MAST4: variants seen among roughly 807,000 people sequenced by gnomAD.
The protein encoded by MAST4 is microtubule associated serine/threonine kinase family member 4, also known as microtubule-associated serine/threonine-protein kinase 4.
A neutral mutation model predicts 162.7 loss-of-function variants in MAST4; 89 were observed. That is an observed-to-expected ratio of 0.55 (90% CI 0.46 to 0.65). The LOEUF (loss-of-function observed/expected upper bound fraction) is 0.65, where lower values mean the gene tolerates loss of function less well. Ranked by LOEUF, MAST4 falls within the 30% of genes least tolerant of loss-of-function variation. The probability of loss-of-function intolerance (pLI) is 0.00; values close to 1 mark genes in which losing one functional copy is unlikely to be tolerated. For missense variants in MAST4, 3,153 were observed against 3,374.0 expected, an observed-to-expected ratio of 0.93 and a Z score of 1.62; for synonymous variants, 1,479 against 1,361.1, an observed-to-expected ratio of 1.09 and a Z score of -1.91.
At chr5:66,704,492 C>CTTTTTTTTTTTT (rs1172510331) in intron 1 of MAST4, among the ~76,000 whole-genome samples, 5 of 97,354 alleles carry the variant, frequency 5.1e-5, no homozygotes, top group African/African-American at 8.6e-5. Context: ...GCTTGTTGTT[C>CTTTTTTTTTTTT]TTTTTTTTTT....
At chr5:66,789,669 G>A in intron 3 of MAST4, 1 of 514,568 alleles carries the variant, frequency 1.9e-6, no homozygotes, top group Non-Finnish European at 3.9e-6. Flanking sequence ...ACATCCATCT[G>A]CCCCTCTCTG....
At chr5:66,824,160 T>C (rs1757128500) in intron 3 of MAST4, among the ~76,000 whole-genome samples, 1 of 152,232 alleles carries the variant, frequency 6.6e-6, no homozygotes, top group Non-Finnish European at 1.5e-5. Flanking sequence ...GAATATTTAC[T>C]TTATGGCTGT....
chr5:66,871,654 A>C (rs1240844707), intron 3 of MAST4, among the ~76,000 whole-genome samples: 2 of 152,192 alleles, frequency 1.3e-5, no homozygotes, highest in Non-Finnish European at 2.9e-5. Flanking sequence ...CTGTAAACTC[A>C]ATGAAGTTCC....
chr5:66,706,545 T>G (rs1750139860), intron 1 of MAST4, among the ~76,000 whole-genome samples: 1 of 152,206 alleles, frequency 6.6e-6, no homozygotes, highest in Admixed American at 6.5e-5. Context: ...TGAATGATAT[T>G]CCACAAAAAC....
At chr5:66,744,973 A>T (rs1752668989) in intron 1 of MAST4, among the ~76,000 whole-genome samples, 1 of 152,204 alleles carries the variant, frequency 6.6e-6, no homozygotes, top group African/African-American at 2.4e-5. Flanking sequence ...GTTCTGAAAA[A>T]ATGTACTAGG....
intron 17 of MAST4, among the ~76,000 whole-genome samples, chr5:67,134,123 C>T (rs973690534): frequency 6.6e-6 from 1 of 151,982 alleles, no homozygotes; most frequent in Admixed American, 6.6e-5. Context: ...TATGAAATGA[C>T]CTGTGTGTGA....
intron 1 of MAST4, among the ~76,000 whole-genome samples, chr5:66,741,698 G>A (rs968246412): frequency 6.6e-6 from 1 of 152,124 alleles, no homozygotes; most frequent in Admixed American, 6.5e-5. Context: ...AACCTTTAGA[G>A]AAATATGTGG....
At chr5:67,050,822 T>C (rs991438412) in intron 4 of MAST4, among the ~76,000 whole-genome samples, 14 of 152,200 alleles carry the variant, frequency 9.2e-5, no homozygotes, top group Non-Finnish European at 1.9e-4. Context: ...AAGTAAGTTT[T>C]TCCATGTGCT....
chr5:66,756,070 C>T (rs888918363), intron 1 of MAST4, among the ~76,000 whole-genome samples: 1 of 152,164 alleles, frequency 6.6e-6, no homozygotes, highest in African/African-American at 2.4e-5. Context: ...TACCTTTTAT[C>T]CCTTAAGATG....
intron 1 of MAST4, among the ~76,000 whole-genome samples, chr5:66,698,819 C>T (rs1221475195): frequency 1.3e-5 from 2 of 152,168 alleles, no homozygotes; most frequent in Admixed American, 6.5e-5. Flanking sequence ...CTTCACATCC[C>T]CCACACAAGT....
intron 1 of MAST4, among the ~76,000 whole-genome samples, chr5:66,688,271 A>T (rs1748820323): frequency 6.6e-6 from 1 of 152,204 alleles, no homozygotes; most frequent in African/African-American, 2.4e-5. Flanking sequence ...ATCAGTAAGG[A>T]TGCCTGCAGT....
At chr5:66,954,967 G>A (rs1278157399) in intron 4 of MAST4, among the ~76,000 whole-genome samples, 2 of 149,636 alleles carry the variant, frequency 1.3e-5, no homozygotes, top group African/African-American at 5.1e-5. Flanking sequence ...TTGAGAGGCC[G>A]AGGTGGGTGG....
chr5:67,089,146 CT>C (rs1468823344), intron 5 of MAST4, among the ~76,000 whole-genome samples: 1 of 152,058 alleles, frequency 6.6e-6, no homozygotes, highest in Non-Finnish European at 1.5e-5. Flanking sequence ...TTCCTTTTTC[CT>C]TTTTCTAGAA....
At chr5:66,653,121 T>C (rs1746333575) in intron 1 of MAST4, among the ~76,000 whole-genome samples, 1 of 152,218 alleles carries the variant, frequency 6.6e-6, no homozygotes, top group South Asian at 2.1e-4. Flanking sequence ...GTGTTACCAG[T>C]TGGTATAAGG....
chr5:66,651,180 CTT>C (rs964788068), intron 1 of MAST4, among the ~76,000 whole-genome samples: 2 of 146,564 alleles, frequency 1.4e-5, no homozygotes, highest in African/African-American at 5.0e-5. Flanking sequence ...GATTGAGAAT[CTT>C]TTTTTTTTTG....
At chr5:66,909,924 G>A (rs1763635549) in intron 4 of MAST4, among the ~76,000 whole-genome samples, 1 of 152,172 alleles carries the variant, frequency 6.6e-6, no homozygotes. Context: ...TGTAAGACAT[G>A]ACTTGCTCCT....
At chr5:66,828,653 C>A in intron 3 of MAST4, 1 of 704,810 alleles carries the variant, frequency 1.4e-6, no homozygotes, top group Non-Finnish European at 2.3e-6. Flanking sequence ...TCCCACCGAA[C>A]TGCAAGCATC....
chr5:66,825,335 C>G (rs1757196858), intron 3 of MAST4, among the ~76,000 whole-genome samples: 1 of 149,014 alleles, frequency 6.7e-6, no homozygotes, highest in South Asian at 2.1e-4. Flanking sequence ...TACACAGAGT[C>G]AGGATCATCA....
chr5:67,047,353 C>G (rs537886902), intron 4 of MAST4, among the ~76,000 whole-genome samples: 1 of 152,320 alleles, frequency 6.6e-6, no homozygotes, highest in South Asian at 2.1e-4. Context: ...TCTTCCCTGG[C>G]TCTCTGCACG....
Sources: allele counts gnomAD v4.1 joint callset (sites outside exome capture counted in the v4.1 genomes callset), GRCh38; gene constraint gnomAD v4.1.1; transcripts MANE v1.5; gene names NCBI Gene and HGNC (gene_info 2026-07-23, HGNC 2026-07-21).